The following KHDRBS2 variants were observed in gnomAD, a reference collection of about 807,000 sequenced individuals.
The protein encoded by KHDRBS2 is KH domain-containing, RNA-binding, signal transduction-associated protein 2.
In KHDRBS2, 26 loss-of-function variants were observed where a neutral mutation model predicts 44.3. The ratio of observed to expected loss-of-function variants is 0.59; its 90% CI spans 0.43 to 0.81. The LOEUF is 0.81. Among genes scored for constraint, KHDRBS2 ranks in the 40% least tolerant of loss-of-function variants. KHDRBS2 has a pLI of 0.00. For missense variants in KHDRBS2, 476 were observed against 433.1 expected (o/e 1.10, Z -0.88); for synonymous variants, 194 against 151.1 (o/e 1.28, Z -2.08).
intron 2 of KHDRBS2, among the ~76,000 whole-genome samples, chr6:62,051,658 C>T (rs1248822743): frequency 6.6e-6 from 1 of 152,030 alleles, no homozygotes; most frequent in Non-Finnish European, 1.5e-5. Flanking sequence ...AACTAAAAAA[C>T]TCCTTCAGAG....
chr6:62,207,971 C>T (rs1366294584), intron 1 of KHDRBS2, among the ~76,000 whole-genome samples: 2 of 152,042 alleles, frequency 1.3e-5, no homozygotes, highest in Non-Finnish European at 2.9e-5. Context: ...TTTTGTTGTA[C>T]ATTAGATCTC....
chr6:62,184,117 G>A (rs868290152), intron 1 of KHDRBS2, among the ~76,000 whole-genome samples: 8 of 151,506 alleles, frequency 5.3e-5, no homozygotes, highest in South Asian at 2.1e-4. Context: ...CAACACAGAA[G>A]AATAATTTTC....
chr6:61,967,009 C>G (rs975390097), intron 4 of KHDRBS2, among the ~76,000 whole-genome samples: 3 of 151,690 alleles, frequency 2.0e-5, no homozygotes, highest in African/African-American at 4.8e-5. Context: ...GTTTTATACA[C>G]TGAGATCTAC....
the KHDRBS2 span, among the ~76,000 whole-genome samples, chr6:61,629,158 G>T: frequency 6.6e-6 from 1 of 152,040 alleles, no homozygotes; most frequent in Non-Finnish European, 1.5e-5. Flanking sequence ...CTTCATTAGG[G>T]CATGTGTGAT....
the KHDRBS2 span, among the ~76,000 whole-genome samples, chr6:61,635,519 G>C: frequency 2.6e-5 from 4 of 151,948 alleles, no homozygotes; most frequent in East Asian, 1.9e-4. Context: ...CTTCTCAGGG[G>C]TTCTAGTATT....
intron 7 of KHDRBS2, among the ~76,000 whole-genome samples, chr6:61,700,928 A>T (rs1187518035): frequency 6.6e-6 from 1 of 151,904 alleles, no homozygotes; most frequent in Admixed American, 6.6e-5. Context: ...TAAAAATATT[A>T]TTTGAGTCAC....
At chr6:61,825,518 G>C (rs751547130) in intron 6 of KHDRBS2, among the ~76,000 whole-genome samples, 1 of 152,170 alleles carries the variant, frequency 6.6e-6, no homozygotes, top group East Asian at 1.9e-4. Context: ...ATTTTGAGTA[G>C]AAAATGCATT....
intron 4 of KHDRBS2, among the ~76,000 whole-genome samples, chr6:61,907,404 G>T (rs1052297133): frequency 2.6e-5 from 4 of 152,010 alleles, no homozygotes; most frequent in African/African-American, 9.7e-5. Flanking sequence ...AAGCCTTTTA[G>T]CTTTCTGTGA....
At chr6:62,136,984 CTTTCT>C (rs1246830309) in intron 2 of KHDRBS2, among the ~76,000 whole-genome samples, 1 of 132,096 alleles carries the variant, frequency 7.6e-6, no homozygotes, top group Non-Finnish European at 1.6e-5. Flanking sequence ...TTTCAGCTTT[CTTTCT>C]TTTCTTTTTT....
At chr6:62,021,455 C>T (rs1782290339) in intron 3 of KHDRBS2, among the ~76,000 whole-genome samples, 1 of 151,794 alleles carries the variant, frequency 6.6e-6, no homozygotes, top group South Asian at 2.1e-4. Context: ...CAGTATCATA[C>T]AGTTGGGTCT....
chr6:62,078,422 T>A (rs1158983627), intron 2 of KHDRBS2, among the ~76,000 whole-genome samples: 1 of 151,996 alleles, frequency 6.6e-6, no homozygotes, highest in East Asian at 1.9e-4. Flanking sequence ...TGTAAAGTAT[T>A]TTAGATTATT....
At chr6:61,767,534 C>T (rs563730068) in intron 6 of KHDRBS2, among the ~76,000 whole-genome samples, 2 of 151,766 alleles carry the variant, frequency 1.3e-5, no homozygotes, top group African/African-American at 4.8e-5. Context: ...TTCCTCCCTC[C>T]CTTTCACCCA....
chr6:61,662,560 A>C, the KHDRBS2 span, among the ~76,000 whole-genome samples: 5 of 152,160 alleles, frequency 3.3e-5, no homozygotes, highest in Non-Finnish European at 2.9e-5. Flanking sequence ...AAGAAAAAAA[A>C]CAAACAACCC....
At chr6:61,728,060 G>A (rs1478487218) in intron 7 of KHDRBS2, among the ~76,000 whole-genome samples, 1 of 151,980 alleles carries the variant, frequency 6.6e-6, no homozygotes, top group Non-Finnish European at 1.5e-5. Context: ...ATGATAGACT[G>A]GATATAGAAA....
intron 2 of KHDRBS2, among the ~76,000 whole-genome samples, chr6:62,058,210 TG>T (rs886179071): frequency 2.0e-5 from 3 of 151,996 alleles, no homozygotes; most frequent in African/African-American, 7.2e-5. Context: ...TGCTATGTGA[TG>T]CAAGGCCAGT....
At chr6:62,116,624 A>C (rs111835108) in intron 2 of KHDRBS2, among the ~76,000 whole-genome samples, 2 of 152,128 alleles carry the variant, frequency 1.3e-5, no homozygotes, top group African/African-American at 4.8e-5. Flanking sequence ...TCTAAAGCTT[A>C]TGTTTTAGTT....
At chr6:61,980,800 T>C (rs1157671958) in intron 3 of KHDRBS2, among the ~76,000 whole-genome samples, 1 of 152,194 alleles carries the variant, frequency 6.6e-6, no homozygotes, top group Non-Finnish European at 1.5e-5. Context: ...GGACTGACTT[T>C]ACAAATATTC....
At chr6:61,910,326 G>A (rs1474876027) in intron 4 of KHDRBS2, among the ~76,000 whole-genome samples, 2 of 152,176 alleles carry the variant, frequency 1.3e-5, no homozygotes, top group Non-Finnish European at 2.9e-5. Context: ...TAGTCAAAGA[G>A]CAGTCAATTA....
At chr6:61,861,777 G>A (rs531911489) in intron 6 of KHDRBS2, among the ~76,000 whole-genome samples, 3 of 152,010 alleles carry the variant, frequency 2.0e-5, no homozygotes, top group South Asian at 4.1e-4. Flanking sequence ...AATGGGAATA[G>A]CATTGAATCC....
Sources: allele counts gnomAD v4.1 joint callset (sites outside exome capture counted in the v4.1 genomes callset), GRCh38; gene constraint gnomAD v4.1.1; transcripts MANE v1.5; gene names NCBI Gene and HGNC (gene_info 2026-07-23, HGNC 2026-07-21).